The following ARHGAP23 variants were observed in gnomAD, a reference collection of about 807,000 sequenced individuals.
ARHGAP23 encodes Rho GTPase activating protein 23.
ARHGAP23 carries 34 observed loss-of-function variants against 136.3 expected under a neutral mutation model. That is an observed-to-expected ratio of 0.25 (90% CI 0.19 to 0.33). The LOEUF is 0.33. ARHGAP23 is among the 10% of genes least tolerant of loss of function. The pLI is 1.00. For missense variants in ARHGAP23, 1,808 were observed against 2,139.0 expected (o/e 0.85, Z 3.05); for synonymous variants, 832 against 920.5 (o/e 0.90, Z 1.74).
At chr17:38,484,916 T>C (rs1264241765) in intron 16 of ARHGAP23, among the ~76,000 whole-genome samples, 1 of 152,106 alleles carries the variant, frequency 6.6e-6, no homozygotes, top group East Asian at 1.9e-4. Context: ...TGTGGATCCA[T>C]TGTAATGAGT....
chr17:38,462,238 G>A (rs1028029380), intron 3 of ARHGAP23, among the ~76,000 whole-genome samples: 85 of 129,014 alleles, frequency 6.6e-4, no homozygotes, highest in Non-Finnish European at 1.0e-3. Flanking sequence ...GTGAACCACC[G>A]CACCCGGCCT....
In ARHGAP23 at chr17:38,477,986, C is replaced by T; in HGVS notation, c.2436+90C>T. On this transcript the variant is annotated intron_variant, in intron 12 of 23. Transcript: ENST00000622683. This position sits in a 1 kb window ranked among gnomAD's most constrained non-coding sequence, Gnocchi z 6.6. ...CCTGGGATGCCCGCTCTGAGCCTCA[C>T]TTCCCTCTGCTAGAAAGGGGGGCTG... 1.5e-6 allele frequency: 2 copies of T among 1,326,046 alleles called. No homozygotes were observed. Among genetic ancestry groups the T allele is most frequent in the South Asian group, 1.3e-5 (1 of 77,902 alleles). 82.1% of individuals were successfully genotyped at this position (1,326,046 alleles called of 1,614,324 possible).
chr17:38,431,862 T>C (rs2038693103), intron 1 of ARHGAP23, among the ~76,000 whole-genome samples: 1 of 152,138 alleles, frequency 6.6e-6, no homozygotes, highest in African/African-American at 2.4e-5. Context: ...CCCTCTGTGG[T>C]TGGTTCTGTC....
In ARHGAP23 at chr17:38,490,353, C is replaced by T; in HGVS notation, c.3061-109C>T. On this transcript the variant is annotated intron_variant, in intron 18 of 23. Coordinates refer to ENST00000622683, the MANE Select transcript of ARHGAP23 (RefSeq NM_001199417.2). ...AGAACGGGGGGTTAGAGGATAGGTT[C>T]CAGACTCCCTGAGGCATGGTAGTGG... is the stretch of plus-strand genomic sequence containing the variant. The T allele has an allele frequency of 2.7e-6, 3 of 1,130,188 alleles. No homozygotes were observed. The South Asian group carries it at 4.0e-5, about 15-fold the overall frequency. The allele number at this position is 1,130,188 out of a possible 1,614,324, so 70.0% of individuals were successfully genotyped here.
At chr17:38,476,565 T>C (rs1263466512) in intron 11 of ARHGAP23, among the ~76,000 whole-genome samples, 1 of 152,044 alleles carries the variant, frequency 6.6e-6, no homozygotes, top group Admixed American at 6.5e-5. Context: ...TGCCGGGCTG[T>C]GGCTGGGAGA....
intron 22 of ARHGAP23, among the ~76,000 whole-genome samples, chr17:38,499,819 C>A (rs1332376724): frequency 1.3e-5 from 2 of 152,168 alleles, no homozygotes; most frequent in African/African-American, 4.8e-5. Context: ...CCCCAGGAGG[C>A]CCTTGGACCA....
Position 38,466,641 on chromosome 17 carries a change from T to C in ARHGAP23, c.958T>C (p.Leu320=), listed in dbSNP as rs2144647816. The change falls in exon 7 of 24, where the codon TTG becomes CTG. Residue 320 remains leucine, a synonymous_variant. Transcript: ENST00000622683. ...GGCCCGCAGCGCCTCCCAGGACCGG[T>C]TGGAGGAGGTGGCTGCCCCCCGCCC... ...PRARSASQDR[L]EEVAAPRPWP... 1 of 1,519,766 alleles carries C rather than the reference T, an allele frequency of 6.6e-7. No individual in the cohort carries two copies. The highest frequency in any genetic ancestry group is 2.5e-5 in the East Asian group (1 of 40,716). The allele number at this position is 1,519,766 out of a possible 1,614,324, so 94.1% of individuals were successfully genotyped here. A position where few individuals can be genotyped will look rare whatever the true frequency, so the allele number is the denominator to read the frequency against.
chr17:38,486,330 C>T (rs1402668360), intron 17 of ARHGAP23, among the ~76,000 whole-genome samples, 190 bp downstream of exon 17: 10 of 151,516 alleles, frequency 6.6e-5, no homozygotes, highest in East Asian at 1.9e-4. Context: ...TGGGCTCAAG[C>T]GATCCTCCCA....
chr17:38,472,482 GGAGT>G (rs1435687864), intron 11 of ARHGAP23, among the ~76,000 whole-genome samples: 2 of 152,174 alleles, frequency 1.3e-5, no homozygotes, highest in South Asian at 4.1e-4. Flanking sequence ...TGGCTCCCTG[GGAGT>G]GAGTTAGGGA....
intron 22 of ARHGAP23, chr17:38,498,985 AAC>A (rs958400323): frequency 1.4e-6 from 1 of 698,512 alleles, no homozygotes; most frequent in African/African-American, 1.8e-5. Flanking sequence ...CTCGGTCACT[AAC>A]AGTGGCGGGT....
At position 38,458,181 on chromosome 17, in the gene ARHGAP23, A is replaced by C. The variant is rs768810537; in HGVS notation, c.143A>C (p.Lys48Thr). The change falls in exon 2 of 24, where the codon AAA becomes ACA. Residue 48 changes from lysine to threonine, a missense_variant. Transcript: ENST00000622683. ...WQGPRTLLLY[K>T]SPQDGFGFTL... is the part of the protein sequence containing the mutation. ...GGGCCGAGGACGCTGCTGCTGTACA[A>C]AAGTCCCCAGGACGGCTTTGGCTTC... The C allele has an allele frequency of 2.1e-5, 33 of 1,536,072 alleles. No homozygotes were observed. The East Asian group carries it at 7.6e-4, about 35-fold the overall frequency.
chr17:38,432,496 A>C (rs927104076), intron 1 of ARHGAP23, among the ~76,000 whole-genome samples: 2 of 152,202 alleles, frequency 1.3e-5, no homozygotes, highest in Non-Finnish European at 2.9e-5. Flanking sequence ...CCTGGCCAAC[A>C]TGGTGAAACA....
chr17:38,452,568 G>A (rs1012773178), intron 1 of ARHGAP23: 29 of 152,242 alleles, frequency 1.9e-4, no homozygotes, highest in African/African-American at 5.8e-4. Context: ...CCCTGGGGTT[G>A]GAGTCCCGGT....
chr17:38,494,142 G>C (rs567055918), intron 20 of ARHGAP23, among the ~76,000 whole-genome samples: 8 of 152,264 alleles, frequency 5.3e-5, no homozygotes, highest in East Asian at 3.9e-4. Flanking sequence ...CCACTGGGGT[G>C]GGGGGATTGA....
Position 38,510,385 on chromosome 17 carries a change from C to A in ARHGAP23, c.3889C>A (p.Pro1297Thr), listed in dbSNP as rs914997578. 3.2e-6 allele frequency: 4 copies of A among 1,242,246 alleles called. No individual in the cohort carries two copies. The highest frequency in any genetic ancestry group is 4.1e-5 in the Admixed American group (1 of 24,484). 77.0% of individuals were successfully genotyped at this position (1,242,246 alleles called of 1,614,324 possible). Residue 1297 changes from proline to threonine, a missense_variant, in exon 24 of 24, where the codon CCT becomes ACT. Physicochemically the swap from Pro to Thr is conservative, Grantham distance 38. Coordinates refer to ENST00000622683, the MANE Select transcript of ARHGAP23 (RefSeq NM_001199417.2). The surrounding 1 kb of genome is among the most constrained non-coding windows in gnomAD (Gnocchi z 4.6). ...TDTEGAAGAG[P>T]GGRLTRRPSF... ...CACTGAGGGCGCGGCGGGCGCGGGGCCTGGGGGGCGCCTGACACGCCGGCC... is the reference window on the plus strand; with the variant it reads ...CACTGAGGGCGCGGCGGGCGCGGGGACTGGGGGGCGCCTGACACGCCGGCC...
intron 23 of ARHGAP23, among the ~76,000 whole-genome samples, chr17:38,502,301 G>A (rs564312384): frequency 5.9e-5 from 9 of 152,126 alleles, no homozygotes; most frequent in East Asian, 1.9e-4. Flanking sequence ...GCGAGACTCC[G>A]TCTCAAAAAA....
chr17:38,444,862 G>A (rs370877074), intron 1 of ARHGAP23, among the ~76,000 whole-genome samples: 1 of 151,744 alleles, frequency 6.6e-6, no homozygotes, highest in Non-Finnish European at 1.5e-5. Context: ...TTGCCGTCCA[G>A]GCTGGAGTGC....
intron 12 of ARHGAP23, among the ~76,000 whole-genome samples, chr17:38,478,108 G>A (rs111361171): frequency 6.6e-6 from 1 of 152,216 alleles, no homozygotes; most frequent in Non-Finnish European, 1.5e-5. Flanking sequence ...CAGGTGCGGG[G>A]ACCGGCAGTC....
chr17:38,450,755 T>G (rs2039142975), intron 1 of ARHGAP23: 1 of 152,260 alleles, frequency 6.6e-6, no homozygotes, highest in Non-Finnish European at 1.5e-5. Context: ...AATCTCTGGT[T>G]ATCTGATTCT....
Sources: gnomAD v4.1 joint callset for allele counts (sites outside exome capture counted in the v4.1 genomes callset) on GRCh38, gnomAD v4.1.1 for gene constraint, Gnocchi (gnomAD v3.1) non-coding constraint, MANE v1.5 for transcripts, NCBI Gene and HGNC (gene_info 2026-07-23, HGNC 2026-07-21) for gene names.